Variants in L3MBTL4 observed in about 807,000 individuals in gnomAD.
L3MBTL4 encodes the protein lethal(3)malignant brain tumor-like protein 4.
In L3MBTL4, 70 loss-of-function variants were observed where a neutral mutation model predicts 84.5. The ratio of observed to expected loss-of-function variants is 0.83; its 90% CI spans 0.68 to 1.01. The LOEUF is 1.01. L3MBTL4 is among the 50% of genes least tolerant of loss of function. The pLI, the probability that L3MBTL4 is intolerant of heterozygous loss-of-function variation, is 0.00. For missense variants in L3MBTL4, 715 were observed against 754.8 expected (o/e 0.95, Z 0.62); for synonymous variants, 274 against 259.8 (o/e 1.05, Z -0.52).
chr18:6,375,896 C>T (rs571696831), intron 1 of L3MBTL4, among the ~76,000 whole-genome samples: 3 of 152,250 alleles, frequency 2.0e-5, no homozygotes, highest in East Asian at 1.9e-4. Context: ...CAAACTCAGG[C>T]GAGGGCACTA....
At position 5,957,530 on chromosome 18, in the gene L3MBTL4, G is replaced by A. The variant is rs551743231; in HGVS notation, c.1678-1143C>T. ...GCACAACTCCAGGGACTACTGCAGC[G>A]TCTCTGATTGACACAGCCTGGCTCA... On this transcript the variant is annotated intron_variant, in intron 18 of 18. Coordinates refer to ENST00000317931, the MANE Select transcript of L3MBTL4 (RefSeq NM_001330559.2). Among the ~76,000 whole-genome samples, 40 of 151,078 alleles carry A rather than the reference G, an allele frequency of 2.6e-4. No individual in the cohort carries two copies. In the East Asian group the frequency reaches 3.8e-3, roughly 14 times the overall value.
In L3MBTL4 at chr18:6,198,680, C is replaced by T. The variant is rs564673736; in HGVS notation, c.981+14469G>A. Among the ~76,000 whole-genome samples, 3 of 152,132 alleles carry T rather than the reference C, an allele frequency of 2.0e-5. No homozygotes were observed. The East Asian group carries it at 5.8e-4, about 29-fold the overall frequency. ...GTCTGAAATGATGAGAGGAAATGACCATGTGTCATAAGAAGTATTAAATGA... is the reference window on the plus strand; with the variant it reads ...GTCTGAAATGATGAGAGGAAATGACTATGTGTCATAAGAAGTATTAAATGA... On this transcript the variant is annotated intron_variant, in intron 12 of 18. Transcript: ENST00000317931.
chr18:6,072,860 C>T (rs1367056267), intron 16 of L3MBTL4, among the ~76,000 whole-genome samples: 2 of 15,476 alleles, frequency 1.3e-4, no homozygotes, highest in African/African-American at 6.5e-4. Flanking sequence ...AGAGAGACTC[C>T]GTCTCAAAAA....
At chr18:6,091,906 A>C (rs1275952184) in intron 15 of L3MBTL4, among the ~76,000 whole-genome samples, 1 of 152,174 alleles carries the variant, frequency 6.6e-6, no homozygotes, top group Non-Finnish European at 1.5e-5. Context: ...ATAAATAAGC[A>C]CTGTTCCTTG....
At chr18:6,018,176 C>G (rs967002608) in intron 16 of L3MBTL4, among the ~76,000 whole-genome samples, 1 of 152,118 alleles carries the variant, frequency 6.6e-6, no homozygotes, top group Non-Finnish European at 1.5e-5. Flanking sequence ...AGTGATTGAT[C>G]GGGCAGAGTC....
At chr18:6,365,252 G>T (rs1176490578) in intron 1 of L3MBTL4, among the ~76,000 whole-genome samples, 1 of 152,080 alleles carries the variant, frequency 6.6e-6, no homozygotes, top group Non-Finnish European at 1.5e-5. Context: ...TAAACATTAT[G>T]TTTTACACAG....
Position 6,034,098 on chromosome 18 carries a change from C to A in L3MBTL4, c.1444+46783G>T, listed in dbSNP as rs1209502688. On this transcript the variant is annotated intron_variant, in intron 16 of 18. Transcript: ENST00000317931. ...GCAGGGCACGTCTGGTGGTTATGAA[C>A]TCCCTCAGTTTTGTTTATAAGGGAA... 2.0e-5 allele frequency among the ~76,000 whole-genome samples: 3 copies of A among 152,052 alleles called. 1 individual carries two copies. The East Asian group carries it at 5.8e-4, about 29-fold the overall frequency.
intron 13 of L3MBTL4, among the ~76,000 whole-genome samples, chr18:6,151,078 C>T (rs922644695): frequency 1.3e-5 from 2 of 152,046 alleles, no homozygotes; most frequent in Non-Finnish European, 2.9e-5. Flanking sequence ...AAAACGGATC[C>T]CCTTACTGGC....
intron 3 of L3MBTL4, among the ~76,000 whole-genome samples, chr18:6,307,528 A>C (rs1025095922): frequency 3.3e-5 from 5 of 152,166 alleles, no homozygotes; most frequent in Non-Finnish European, 5.9e-5. Context: ...CAATGCATTC[A>C]AGGTAAATAT....
intron 1 of L3MBTL4, among the ~76,000 whole-genome samples, chr18:6,334,257 T>C (rs566322118): frequency 4.6e-5 from 7 of 152,126 alleles, no homozygotes; most frequent in East Asian, 1.9e-4. Context: ...TATCTGATGA[T>C]ACCATCACAT....
chr18:6,010,079 C>T (rs2054665822), intron 16 of L3MBTL4, among the ~76,000 whole-genome samples: 1 of 151,928 alleles, frequency 6.6e-6, no homozygotes. Context: ...GTCGTGTTTT[C>T]CATGATGCTT....
intron 1 of L3MBTL4, among the ~76,000 whole-genome samples, chr18:6,405,987 G>T (rs530641422): frequency 6.7e-6 from 1 of 148,758 alleles, no homozygotes; most frequent in Non-Finnish European, 1.5e-5. Flanking sequence ...AGCATTCAGG[G>T]AATGAATGAA....
At chr18:6,052,769 C>G (rs956574658) in intron 16 of L3MBTL4, among the ~76,000 whole-genome samples, 2 of 152,222 alleles carry the variant, frequency 1.3e-5, no homozygotes, top group Admixed American at 1.3e-4. Context: ...TTTCAAGACT[C>G]AGTGCGTTAG....
intron 16 of L3MBTL4, among the ~76,000 whole-genome samples, chr18:6,012,012 A>G (rs2054762526): frequency 6.6e-6 from 1 of 152,242 alleles, no homozygotes; most frequent in African/African-American, 2.4e-5. Context: ...GGCTTGAAGC[A>G]CATTAAATTC....
At chr18:6,041,896 T>C (rs1270162603) in intron 16 of L3MBTL4, among the ~76,000 whole-genome samples, 7 of 152,032 alleles carry the variant, frequency 4.6e-5, no homozygotes, top group Admixed American at 4.6e-4. Context: ...GGCTAATTTT[T>C]TTTTTGGTAT....
chr18:6,126,495 C>T (rs1467097389), intron 14 of L3MBTL4, among the ~76,000 whole-genome samples: 1 of 152,152 alleles, frequency 6.6e-6, no homozygotes, highest in East Asian at 1.9e-4. Flanking sequence ...GTTCCTACAA[C>T]CTTGGCAATT....
At chr18:6,005,874 G>A (rs531248079) in intron 16 of L3MBTL4, among the ~76,000 whole-genome samples, 3 of 152,206 alleles carry the variant, frequency 2.0e-5, no homozygotes, top group Middle Eastern at 6.8e-3. Context: ...TTGCTGGGTT[G>A]AAAAGTAATT....
At chr18:6,243,972 CTG>C (rs2047554212) in intron 6 of L3MBTL4, among the ~76,000 whole-genome samples, 1 of 152,098 alleles carries the variant, frequency 6.6e-6, no homozygotes, top group Admixed American at 6.5e-5. Flanking sequence ...ATAAATGTGA[CTG>C]TTATGTTCAA....
intron 1 of L3MBTL4, among the ~76,000 whole-genome samples, chr18:6,342,279 T>A (rs994765149): frequency 1.3e-5 from 2 of 152,162 alleles, no homozygotes; most frequent in African/African-American, 4.8e-5. Context: ...TTTACTCTAC[T>A]ATAAAAGTTA....
Sources: allele counts gnomAD v4.1 joint callset (sites outside exome capture counted in the v4.1 genomes callset), GRCh38; gene constraint gnomAD v4.1.1; transcripts MANE v1.5; gene names NCBI Gene and HGNC (gene_info 2026-07-23, HGNC 2026-07-21).